The following MACROD2 variants were observed in gnomAD, a reference collection of about 807,000 sequenced individuals.
The protein encoded by MACROD2 is mono-ADP ribosylhydrolase 2.
A neutral mutation model predicts 70.4 loss-of-function variants in MACROD2; 36 were observed. The ratio of observed to expected loss-of-function variants is 0.51; its 90% confidence interval spans 0.39 to 0.68. The LOEUF is 0.68. MACROD2 is among the 30% of genes least tolerant of loss of function. MACROD2 has a pLI of 0.00. For missense variants in MACROD2, 496 were observed against 538.4 expected (o/e 0.92, Z 0.78); for synonymous variants, 172 against 178.8 (o/e 0.96, Z 0.30).
chr20:15,696,683 T>TTG (rs1334154316), intron 8 of MACROD2, among the ~76,000 whole-genome samples: 1 of 149,786 alleles, frequency 6.7e-6, no homozygotes. Flanking sequence ...CTGGAGTTTT[T>TTG]TTTTTTTTTT....
At chr20:14,834,959 C>G (rs539063178) in intron 5 of MACROD2, among the ~76,000 whole-genome samples, 1 of 151,778 alleles carries the variant, frequency 6.6e-6, no homozygotes, top group African/African-American at 2.4e-5. Context: ...TATAGACTCT[C>G]TATATATACA....
In MACROD2 at chr20:15,714,007, A is replaced by G. The variant is rs866319670; in HGVS notation, c.646-148738A>G. ...CATATGCACACACACACACACACAC[A>G]CACACACACACACACACACACACAC... On this transcript the variant is annotated intron_variant, in intron 8 of 17. Coordinates refer to ENST00000684519, the MANE Select transcript of MACROD2 (RefSeq NM_001351661.2). Among the ~76,000 whole-genome samples, 159 of 150,968 alleles carry G rather than the reference A, an allele frequency of 1.1e-3. 1 individual carries two copies. Among genetic ancestry groups the G allele is most frequent in the African/African-American group, 3.3e-3 (134 of 40,620 alleles).
chr20:14,275,197 A>T (rs1336056232), intron 3 of MACROD2, among the ~76,000 whole-genome samples: 11 of 152,190 alleles, frequency 7.2e-5, no homozygotes, highest in Non-Finnish European at 1.5e-5. Flanking sequence ...AAACGAACAA[A>T]GCTGGAGGCA....
chr20:16,036,489 G>T (rs2067238259), intron 15 of MACROD2, among the ~76,000 whole-genome samples: 1 of 151,926 alleles, frequency 6.6e-6, no homozygotes. Context: ...AGTACTGAAT[G>T]TCCCAGACTT....
At chr20:14,420,757 A>G (rs745523494) in intron 3 of MACROD2, among the ~76,000 whole-genome samples, 5 of 152,114 alleles carry the variant, frequency 3.3e-5, no homozygotes, top group African/African-American at 1.2e-4. Flanking sequence ...CAGTGGTGTG[A>G]TCACAGCTCA....
chr20:15,217,227 A>G (rs1013751707), intron 5 of MACROD2, among the ~76,000 whole-genome samples: 1 of 152,180 alleles, frequency 6.6e-6, no homozygotes, highest in Non-Finnish European at 1.5e-5. Flanking sequence ...ATAGAGAAGA[A>G]TGTATTCCTA....
At chr20:15,131,691 A>G (rs903019559) in intron 5 of MACROD2, among the ~76,000 whole-genome samples, 2 of 152,082 alleles carry the variant, frequency 1.3e-5, no homozygotes, top group Non-Finnish European at 2.9e-5. Context: ...ACATTGAACT[A>G]GAAGGCTGTG....
intron 4 of MACROD2, among the ~76,000 whole-genome samples, chr20:14,522,104 C>T (rs961491020): frequency 6.6e-6 from 1 of 152,078 alleles, no homozygotes; most frequent in African/African-American, 2.4e-5. Flanking sequence ...AGTTCTAATC[C>T]GAGCAGCTCT....
intron 5 of MACROD2, among the ~76,000 whole-genome samples, chr20:15,066,724 A>G (rs2075578525): frequency 6.6e-6 from 1 of 151,986 alleles, no homozygotes; most frequent in Non-Finnish European, 1.5e-5. Context: ...TACTAAAAAT[A>G]CAAAAAAATT....
chr20:14,348,148 A>G (rs1214878902), intron 3 of MACROD2, among the ~76,000 whole-genome samples: 1 of 152,040 alleles, frequency 6.6e-6, no homozygotes, highest in Non-Finnish European at 1.5e-5. Context: ...ACGCACCTGT[A>G]GTCCCAGCTA....
intron 3 of MACROD2, among the ~76,000 whole-genome samples, chr20:14,193,091 A>G (rs1245189842): frequency 2.0e-5 from 3 of 152,204 alleles, no homozygotes; most frequent in African/African-American, 7.2e-5. Context: ...CTTATCTTCA[A>G]TACAATCTTA....
At chr20:15,234,078 T>C (rs13042252) in intron 6 of MACROD2, among the ~76,000 whole-genome samples, 1 of 112,136 alleles carries the variant, frequency 8.9e-6, no homozygotes, top group Admixed American at 1.0e-4. Flanking sequence ...GTGGCCCAGG[T>C]GGGAGTGCAG....
chr20:15,289,170 G>A (rs2077519563), intron 6 of MACROD2, among the ~76,000 whole-genome samples: 2 of 152,112 alleles, frequency 1.3e-5, no homozygotes, highest in Admixed American at 6.6e-5. Flanking sequence ...GTGGTTATCT[G>A]AAGAAGGAAA....
At chr20:15,453,957 T>C (rs951632026) in intron 7 of MACROD2, among the ~76,000 whole-genome samples, 2 of 152,142 alleles carry the variant, frequency 1.3e-5, no homozygotes, top group Admixed American at 1.3e-4. Flanking sequence ...CCCAAAGCCA[T>C]GGGCTTTTTA....
intron 6 of MACROD2, among the ~76,000 whole-genome samples, chr20:15,285,944 A>G (rs532293042): frequency 6.6e-6 from 1 of 152,288 alleles, no homozygotes; most frequent in East Asian, 1.9e-4. Context: ...ATCAAAAAGT[A>G]TCATAAATTA....
At chr20:15,747,361 T>A (rs1401213885) in intron 8 of MACROD2, among the ~76,000 whole-genome samples, 1 of 152,168 alleles carries the variant, frequency 6.6e-6, no homozygotes, top group African/African-American at 2.4e-5. Flanking sequence ...TGGTTTTCCC[T>A]GCTGAGGCCT....
At position 14,519,896 on chromosome 20, in the gene MACROD2, G is replaced by A. The variant is rs907761801; in HGVS notation, c.301+26388G>A. ...CATACTATGCAGCCATAAAAGGAAC[G>A]AGATCGTATCCTTTGCAGAAATACG... On this transcript the variant is annotated intron_variant, in intron 4 of 17. Coordinates refer to ENST00000684519, the MANE Select transcript of MACROD2 (RefSeq NM_001351661.2). 3.3e-5 allele frequency among the ~76,000 whole-genome samples: 5 copies of A among 152,228 alleles called. No homozygotes were observed. The South Asian group carries it at 6.2e-4, about 19-fold the overall frequency.
intron 11 of MACROD2, among the ~76,000 whole-genome samples, chr20:15,935,660 A>G (rs1365957705): frequency 3.3e-5 from 5 of 152,238 alleles, no homozygotes; most frequent in Admixed American, 3.3e-4. Context: ...AGTTGTAGAT[A>G]ATATTCTTCC....
intron 7 of MACROD2, among the ~76,000 whole-genome samples, chr20:15,478,612 A>G (rs575469381): frequency 1.2e-3 from 180 of 152,036 alleles, no homozygotes; most frequent in African/African-American, 4.2e-3. Context: ...TTGAGCCTAG[A>G]CGTTCTCTCC....
Sources: gnomAD v4.1 joint callset for allele counts (sites outside exome capture counted in the v4.1 genomes callset) on GRCh38, gnomAD v4.1.1 for gene constraint, MANE v1.5 for transcripts, NCBI Gene and HGNC (gene_info 2026-07-23, HGNC 2026-07-21) for gene names.